ASPH: variants seen among roughly 807,000 people sequenced by gnomAD.
The protein encoded by ASPH is aspartyl/asparaginyl beta-hydroxylase.
In ASPH, 100 loss-of-function variants were observed where a neutral mutation model predicts 118.4. The ratio of observed to expected loss-of-function variants is 0.84; its 90% CI spans 0.72 to 1.00. ASPH has a LOEUF of 1.00. Among genes scored for constraint, ASPH ranks in the 50% least tolerant of loss-of-function variants. ASPH has a pLI of 0.00. For synonymous variants in ASPH, 315 were observed against 325.6 expected (o/e 0.97, Z 0.35); for missense variants, 920 against 919.5 (o/e 1.00, Z -0.01).
At chr8:61,573,848 T>C (rs1433053307) in intron 16 of ASPH, among the ~76,000 whole-genome samples, 1 of 151,954 alleles carries the variant, frequency 6.6e-6, no homozygotes, top group Non-Finnish European at 1.5e-5. Flanking sequence ...AATTGACAAA[T>C]AGGATCGAAT....
At chr8:61,713,925 G>T (rs1838703972) in intron 1 of ASPH, among the ~76,000 whole-genome samples, 1 of 152,130 alleles carries the variant, frequency 6.6e-6, no homozygotes, top group Non-Finnish European at 1.5e-5. Context: ...CAAGGCAAAC[G>T]ATAAATTGTT....
intron 13 of ASPH, chr8:61,631,815 C>T (rs1305018774): frequency 6.6e-6 from 1 of 152,220 alleles, no homozygotes; most frequent in Non-Finnish European, 1.5e-5. Context: ...AGGGGTGCTA[C>T]TCATATACCC....
At chr8:61,583,009 A>G (rs1372916442) in intron 15 of ASPH, 3 of 152,220 alleles carry the variant, frequency 2.0e-5, no homozygotes, top group African/African-American at 7.2e-5. Flanking sequence ...TCCAGTTTCA[A>G]TTTATTGTTC....
intron 3 of ASPH, among the ~76,000 whole-genome samples, chr8:61,678,428 A>T (rs1042992526): frequency 6.6e-6 from 1 of 152,162 alleles, no homozygotes; most frequent in African/African-American, 2.4e-5. Context: ...ATGAAGAAAA[A>T]TGGGCTTAGC....
At chr8:61,692,241 T>A (rs1832816277) in intron 1 of ASPH, among the ~76,000 whole-genome samples, 1 of 152,238 alleles carries the variant, frequency 6.6e-6, no homozygotes, top group Non-Finnish European at 1.5e-5. Context: ...GAAATATCAT[T>A]TAATCTATCA....
At chr8:61,673,962 T>G (rs182125226) in intron 3 of ASPH, among the ~76,000 whole-genome samples, 6 of 152,296 alleles carry the variant, frequency 3.9e-5, no homozygotes, top group Admixed American at 3.3e-4. Context: ...TAGCAAATTT[T>G]TATCCCACAT....
intron 22 of ASPH, among the ~76,000 whole-genome samples, chr8:61,519,846 A>C (rs1812313326): frequency 6.6e-6 from 1 of 152,222 alleles, no homozygotes; most frequent in South Asian, 2.1e-4. Flanking sequence ...ATTTTAGCTC[A>C]GTGTGATCTA....
At chr8:61,640,445 C>T (rs1804601601) in intron 10 of ASPH, among the ~76,000 whole-genome samples, 1 of 152,196 alleles carries the variant, frequency 6.6e-6, no homozygotes, top group Non-Finnish European at 1.5e-5. Context: ...CTTGCAAGTT[C>T]ACGTCAGAGA....
At chr8:61,519,019 T>A (rs1025956358) in intron 22 of ASPH, among the ~76,000 whole-genome samples, 8 of 152,226 alleles carry the variant, frequency 5.3e-5, no homozygotes, top group Non-Finnish European at 7.3e-5. Context: ...TTTAAGCAGA[T>A]ACTGAAAACA....
At chr8:61,584,943 A>G (rs781676530) in intron 14 of ASPH, among the ~76,000 whole-genome samples, 4 of 152,142 alleles carry the variant, frequency 2.6e-5, no homozygotes, top group Non-Finnish European at 5.9e-5. Flanking sequence ...TCACCCACAC[A>G]GTACTCAGTT....
At chr8:61,572,625 A>T (rs1459718605) in intron 16 of ASPH, among the ~76,000 whole-genome samples, 3 of 152,092 alleles carry the variant, frequency 2.0e-5, no homozygotes, top group Non-Finnish European at 4.4e-5. Flanking sequence ...AAGTCCTTTC[A>T]GCTCCACCAA....
chr8:61,617,220 G>C (rs971010449), intron 14 of ASPH, among the ~76,000 whole-genome samples: 1 of 152,100 alleles, frequency 6.6e-6, no homozygotes, highest in Non-Finnish European at 1.5e-5. Context: ...GAAATGCTCC[G>C]AGGACTAAGT....
At chr8:61,675,433 T>C in intron 3 of ASPH, 1 of 984,554 alleles carries the variant, frequency 1.0e-6, no homozygotes, top group Non-Finnish European at 1.2e-6. Flanking sequence ...TGCTACTATC[T>C]GAAAACAGTA....
intron 22 of ASPH, among the ~76,000 whole-genome samples, chr8:61,524,780 G>C (rs1057262438): frequency 8.2e-5 from 12 of 146,420 alleles, no homozygotes; most frequent in African/African-American, 1.5e-4. Flanking sequence ...AGAAACTACA[G>C]TTTCTAGAAA....
chr8:61,668,722 T>C (rs1820929900), intron 3 of ASPH, among the ~76,000 whole-genome samples: 1 of 152,196 alleles, frequency 6.6e-6, no homozygotes, highest in African/African-American at 2.4e-5. Context: ...CTTTACTGTT[T>C]GAACAATCAC....
chr8:61,626,895 A>G (rs1406016858), intron 13 of ASPH, among the ~76,000 whole-genome samples: 2 of 151,862 alleles, frequency 1.3e-5, no homozygotes, highest in Non-Finnish European at 2.9e-5. Flanking sequence ...ACTATCACAG[A>G]ATTGGATTTG....
Position 61,526,098 on chromosome 8 carries a change from GTTTC to G in ASPH, c.1775_1778del (p.Arg592ThrfsTer4). On this transcript the variant is annotated frameshift_variant, in exon 22 of 25. Transcript: ENST00000379454. LOFTEE classifies it high-confidence loss of function. ...GGCCTTCATCTCGGATTAACTTCCA[GTTTC>G]TTTCTAAAGACTAGAGGGAAGATTC... is the stretch of plus-strand genomic sequence containing the variant. The G allele has an allele frequency of 6.2e-7, 1 of 1,613,916 alleles. No homozygotes were observed. The highest frequency in any genetic ancestry group is 8.5e-7 in the Non-Finnish European group (1 of 1,179,872).
chr8:61,569,477 G>A (rs755304645), intron 16 of ASPH, among the ~76,000 whole-genome samples: 1 of 152,090 alleles, frequency 6.6e-6, no homozygotes, highest in Non-Finnish European at 1.5e-5. Flanking sequence ...TGAGGGCACA[G>A]TAAGAAAATG....
chr8:61,664,167 GAATT>G (rs1015948080), intron 3 of ASPH: 98 of 966,612 alleles, frequency 1.0e-4, no homozygotes, highest in Non-Finnish European at 1.2e-4. Context: ...ACCATTTGTA[GAATT>G]AATTTCTCAC....
Sources: allele counts gnomAD v4.1 joint callset (sites outside exome capture counted in the v4.1 genomes callset), GRCh38; gene constraint gnomAD v4.1.1; transcripts MANE v1.5; gene names NCBI Gene and HGNC (gene_info 2026-07-23, HGNC 2026-07-21).